NRG3: variants seen among roughly 807,000 people sequenced by gnomAD.
The protein encoded by NRG3 is pro-neuregulin-3, membrane-bound isoform.
NRG3 carries 31 observed loss-of-function variants against 66.9 expected under a neutral mutation model. The ratio of observed to expected loss-of-function variants is 0.46; its 90% CI spans 0.35 to 0.63. The LOEUF (loss-of-function observed/expected upper bound fraction) is 0.63, where lower values mean the gene tolerates loss of function less well. Among genes scored for constraint, NRG3 ranks in the 20% least tolerant of loss-of-function variants. The probability of loss-of-function intolerance (pLI) is 0.00; values close to 1 mark genes in which losing one functional copy is unlikely to be tolerated. For synonymous variants in NRG3, 393 were observed against 359.4 expected (o/e 1.09, Z -1.06); for missense variants, 910 against 878.9 (o/e 1.04, Z -0.45).
At chr10:81,909,928 TC>T (rs1376306495) in intron 1 of NRG3, among the ~76,000 whole-genome samples, 1 of 152,202 alleles carries the variant, frequency 6.6e-6, no homozygotes, top group Non-Finnish European at 1.5e-5. Flanking sequence ...AGGTCTGTCC[TC>T]ATGTCATTCA....
chr10:82,163,524 C>G (rs1357060730), intron 1 of NRG3, among the ~76,000 whole-genome samples: 1 of 152,130 alleles, frequency 6.6e-6, no homozygotes. Context: ...CACTGTCATT[C>G]ATTACATCAG....
chr10:82,296,300 A>C (rs2080057374), intron 1 of NRG3, among the ~76,000 whole-genome samples: 2 of 152,158 alleles, frequency 1.3e-5, no homozygotes, highest in South Asian at 4.1e-4. Context: ...TTTATTAGGC[A>C]GGGTTGAGAG....
intron 1 of NRG3, among the ~76,000 whole-genome samples, chr10:82,025,938 G>T (rs2062281231): frequency 6.6e-6 from 1 of 151,976 alleles, no homozygotes. Context: ...GTCATAGACA[G>T]CCCTGCCCCT....
intron 2 of NRG3, among the ~76,000 whole-genome samples, chr10:82,459,130 A>G (rs1391879288): frequency 6.6e-6 from 1 of 152,190 alleles, no homozygotes; most frequent in Non-Finnish European, 1.5e-5. Context: ...CCACTGTAGA[A>G]TCAAAGCACT....
rs146053853 is a variant in NRG3 at position 82,695,509 on chromosome 10, G to C, written c.954-43068G>C. Among the ~76,000 whole-genome samples, 1,270 of 152,052 alleles carry C rather than the reference G, an allele frequency of 8.4e-3. 16 individuals are homozygous for C. Among genetic ancestry groups the C allele is most frequent in the African/African-American group, 0.028 (1,162 of 41,498 alleles). On this transcript the variant is annotated intron_variant, in intron 2 of 8. Transcript: ENST00000372141. ...ATACAGCTATATGTGTGTGCATCTA[G>C]ATATAGACTAAAATATATTTTTAAA...
chr10:81,948,701 C>A (rs1001423892), intron 1 of NRG3, among the ~76,000 whole-genome samples: 8 of 152,302 alleles, frequency 5.3e-5, no homozygotes, highest in African/African-American at 1.7e-4. Context: ...CTTTTACCAG[C>A]TTCAGTTTTC....
intron 2 of NRG3, among the ~76,000 whole-genome samples, chr10:82,689,239 A>G (rs1269320720): frequency 1.3e-5 from 2 of 152,152 alleles, no homozygotes; most frequent in African/African-American, 4.8e-5. Context: ...TCTTCCAGTA[A>G]TCTCAAAAGA....
chr10:81,983,427 T>C (rs1181710327), intron 1 of NRG3, among the ~76,000 whole-genome samples: 1 of 152,204 alleles, frequency 6.6e-6, no homozygotes, highest in Non-Finnish European at 1.5e-5. Context: ...CACGAATTAC[T>C]CATATTTAGA....
chr10:82,586,823 T>C (rs1406323016), intron 2 of NRG3, among the ~76,000 whole-genome samples: 1 of 152,210 alleles, frequency 6.6e-6, no homozygotes, highest in Non-Finnish European at 1.5e-5. Flanking sequence ...GTAGAATTTA[T>C]GTATATTGTT....
At chr10:82,900,987 C>G (rs1591884129) in intron 4 of NRG3, among the ~76,000 whole-genome samples, 1 of 152,168 alleles carries the variant, frequency 6.6e-6, no homozygotes, top group African/African-American at 2.4e-5. Context: ...AATCACCAAA[C>G]TAATCTAATA....
chr10:81,908,041 A>C (rs1024648434), intron 1 of NRG3, among the ~76,000 whole-genome samples: 1 of 152,192 alleles, frequency 6.6e-6, no homozygotes, highest in African/African-American at 2.4e-5. Flanking sequence ...TAGATGCATG[A>C]TGTAATCTTC....
intron 1 of NRG3, among the ~76,000 whole-genome samples, chr10:82,114,847 T>C (rs1338602410): frequency 6.6e-6 from 1 of 152,110 alleles, no homozygotes; most frequent in Non-Finnish European, 1.5e-5. Flanking sequence ...CCAAGCCTGT[T>C]TCCTCCTTTC....
chr10:82,522,727 A>G (rs1416849453), intron 2 of NRG3, among the ~76,000 whole-genome samples: 1 of 152,034 alleles, frequency 6.6e-6, no homozygotes, highest in African/African-American at 2.4e-5. Flanking sequence ...GTCATTGTTT[A>G]TCTGAAATTC....
intron 3 of NRG3, among the ~76,000 whole-genome samples, chr10:82,751,600 A>G (rs2058864886): frequency 6.6e-6 from 1 of 152,148 alleles, no homozygotes; most frequent in African/African-American, 2.4e-5. Context: ...TAGTTCATAC[A>G]AGAAACCTTG....
intron 1 of NRG3, among the ~76,000 whole-genome samples, chr10:81,913,478 C>T (rs952491456): frequency 3.3e-5 from 5 of 151,338 alleles, no homozygotes; most frequent in Non-Finnish European, 5.9e-5. Flanking sequence ...GGCTGGAGTG[C>T]AGTGGTGTGT....
At chr10:82,734,536 C>G (rs2058064935) in intron 2 of NRG3, among the ~76,000 whole-genome samples, 1 of 152,206 alleles carries the variant, frequency 6.6e-6, no homozygotes, top group Admixed American at 6.5e-5. Context: ...CAGAAAGACT[C>G]CTGCCCCCTC....
intron 1 of NRG3, among the ~76,000 whole-genome samples, chr10:82,311,191 T>A (rs1243849400): frequency 2.6e-5 from 4 of 152,248 alleles, no homozygotes; most frequent in Admixed American, 2.6e-4. Flanking sequence ...CTCTCTGAGT[T>A]GCCTAGTAGT....
At chr10:81,984,656 C>T (rs1054469145) in intron 1 of NRG3, among the ~76,000 whole-genome samples, 2 of 152,190 alleles carry the variant, frequency 1.3e-5, no homozygotes, top group African/African-American at 2.4e-5. Flanking sequence ...TTCTGTGACT[C>T]TTTCCACAGA....
At chr10:82,352,925 T>G (rs1382616830) in intron 1 of NRG3, among the ~76,000 whole-genome samples, 1 of 151,896 alleles carries the variant, frequency 6.6e-6, no homozygotes, top group Non-Finnish European at 1.5e-5. Context: ...ACAGATTTTA[T>G]TGTAAATAAT....
Sources: allele counts gnomAD v4.1 joint callset (sites outside exome capture counted in the v4.1 genomes callset), GRCh38; gene constraint gnomAD v4.1.1; transcripts MANE v1.5; gene names NCBI Gene and HGNC (gene_info 2026-07-23, HGNC 2026-07-21).